The following LEF1 variants were observed in gnomAD, a reference collection of about 807,000 sequenced individuals.
LEF1 encodes lymphoid enhancer-binding factor 1.
In LEF1, 14 loss-of-function variants were observed where a neutral mutation model predicts 51.2. That is an observed-to-expected ratio of 0.27 (90% CI 0.18 to 0.43). LEF1 has a LOEUF of 0.43. Ranked by LOEUF, LEF1 falls within the 20% of genes least tolerant of loss-of-function variation. The pLI is 1.00. For synonymous variants in LEF1, 185 were observed against 183.2 expected, an observed-to-expected ratio of 1.01 and a Z score of -0.08; for missense variants, 386 against 512.0, an observed-to-expected ratio of 0.75 and a Z score of 2.37.
In LEF1 at chr4:108,053,759, C is replaced by T. The variant is rs910592736; in HGVS notation, c.*7-5008G>A. On this transcript the variant is annotated intron_variant, in intron 11 of 11. Transcript: ENST00000265165. ...GGTCATGACCGCTAGATCCTTCCTA[C>T]CACGGGAAACATGGGAGAAATGGTC... 3.3e-5 allele frequency among the ~76,000 whole-genome samples: 5 copies of T among 152,310 alleles called. No individual in the cohort carries two copies. The South Asian group carries it at 1.0e-3, about 32-fold the overall frequency.
chr4:108,081,324 T>A lies in LEF1; in HGVS notation c.722+262A>T, dbSNP rs184542486. On this transcript the variant is annotated intron_variant, in intron 6 of 11. Coordinates refer to ENST00000265165, the MANE Select transcript of LEF1 (RefSeq NM_016269.5). ...TTCCCATCCCACAGTCAGGCGGCCA[T>A]GAATTTGTTTGGAGGCAACGCTTTC... 3.0e-3 allele frequency among the ~76,000 whole-genome samples: 454 copies of A among 152,140 alleles called. 4 individuals are homozygous for A. The highest frequency in any genetic ancestry group is 1.7e-3 in the East Asian group (9 of 5,160).
At chr4:108,144,760 C>G (rs778797515) in intron 3 of LEF1, among the ~76,000 whole-genome samples, 1 of 147,740 alleles carries the variant, frequency 6.8e-6, no homozygotes, top group Non-Finnish European at 1.5e-5. Flanking sequence ...CTGGGCCACA[C>G]GAGGGTGAAA....
chr4:108,086,008 C>G (rs1271973374), intron 4 of LEF1, among the ~76,000 whole-genome samples: 3 of 152,160 alleles, frequency 2.0e-5, no homozygotes, highest in African/African-American at 7.2e-5. Flanking sequence ...CAAGTGAAGT[C>G]AGAAGTGTTA....
chr4:108,166,223 A>G, intron 1 of LEF1: 1 of 1,528,434 alleles, frequency 6.5e-7, no homozygotes. Flanking sequence ...AAAGAACACC[A>G]TTCTGTTCTC....
chr4:108,107,723 A>G (rs1741263139), intron 3 of LEF1, among the ~76,000 whole-genome samples: 1 of 152,172 alleles, frequency 6.6e-6, no homozygotes, highest in Non-Finnish European at 1.5e-5. Context: ...ACAGTAAAAT[A>G]GGATGTTATG....
chr4:108,158,322 A>G (rs1029215517), intron 3 of LEF1, among the ~76,000 whole-genome samples: 5 of 152,212 alleles, frequency 3.3e-5, no homozygotes, highest in Non-Finnish European at 7.3e-5. Context: ...CTTGATTACT[A>G]CAGTATTAGC....
At chr4:108,100,113 A>G (rs78866112) in intron 3 of LEF1, among the ~76,000 whole-genome samples, 69,929 of 151,900 alleles carry the variant, frequency 0.46, 17,986 homozygotes, top group Middle Eastern at 0.68. Context: ...ATGAGTCAAG[A>G]AAAAAATAAC....
chr4:108,068,745 C>A (rs1006159696), intron 9 of LEF1, among the ~76,000 whole-genome samples: 1 of 152,158 alleles, frequency 6.6e-6, no homozygotes, highest in Non-Finnish European at 1.5e-5. Flanking sequence ...AAATAAGTTT[C>A]CATGTGTGCA....
At chr4:108,137,492 C>A (rs2110364513) in intron 3 of LEF1, among the ~76,000 whole-genome samples, 1 of 152,208 alleles carries the variant, frequency 6.6e-6, no homozygotes, top group East Asian at 1.9e-4. Flanking sequence ...GATAAAAATG[C>A]CCTCAAAGAT....
At chr4:108,112,746 A>G (rs559076149) in intron 3 of LEF1, among the ~76,000 whole-genome samples, 24 of 152,362 alleles carry the variant, frequency 1.6e-4, no homozygotes, top group African/African-American at 5.8e-4. Flanking sequence ...TGCACAGTAA[A>G]CAAATGTCAT....
chr4:108,072,573 A>C (rs1410776978), intron 8 of LEF1, among the ~76,000 whole-genome samples: 1 of 152,258 alleles, frequency 6.6e-6, no homozygotes, highest in African/African-American at 2.4e-5. Context: ...CATGACACAC[A>C]GCAGGGCTTG....
At chr4:108,050,554 G>A (rs951491396) in intron 11 of LEF1, among the ~76,000 whole-genome samples, 1 of 152,176 alleles carries the variant, frequency 6.6e-6, no homozygotes, top group Non-Finnish European at 1.5e-5. Flanking sequence ...AGCAGAGCCT[G>A]GGGTGGGAGA....
intron 3 of LEF1, among the ~76,000 whole-genome samples, chr4:108,122,530 T>C (rs766490289): frequency 2.0e-5 from 3 of 152,216 alleles, no homozygotes; most frequent in African/African-American, 4.8e-5. Flanking sequence ...CAGGCTGGAG[T>C]GCAGTGGTTC....
At chr4:108,051,503 C>T (rs1736986882) in intron 11 of LEF1, among the ~76,000 whole-genome samples, 3 of 152,216 alleles carry the variant, frequency 2.0e-5, no homozygotes, top group Admixed American at 2.0e-4. Flanking sequence ...CACTGGGGGG[C>T]TGCGGCTGAA....
At chr4:108,158,010 G>A (rs966318665) in intron 3 of LEF1, among the ~76,000 whole-genome samples, 4 of 151,940 alleles carry the variant, frequency 2.6e-5, no homozygotes, top group Non-Finnish European at 5.9e-5. Flanking sequence ...TCAACTCCCC[G>A]CTCTTCACTT....
chr4:108,157,177 T>TACACACACACACACACACAC (rs1326345518), intron 3 of LEF1, among the ~76,000 whole-genome samples: 76 of 89,354 alleles, frequency 8.5e-4, no homozygotes, highest in East Asian at 1.1e-3. Flanking sequence ...TCTATATATA[T>TACACACACACACACACACAC]ATACACACAC....
chr4:108,146,341 A>T (rs1743999850), intron 3 of LEF1, among the ~76,000 whole-genome samples: 1 of 152,250 alleles, frequency 6.6e-6, no homozygotes, highest in Non-Finnish European at 1.5e-5. Context: ...CTTTAATGGT[A>T]AGCATTATAT....
At position 108,135,048 on chromosome 4, in the gene LEF1, G is replaced by C. The variant is rs555024401; in HGVS notation, c.414+28520C>G. ...TAAAGTGACCAAGTGAATTGAGAAG[G>C]GGGGTGCTAATATAGATTACAATAA... On this transcript the variant is annotated intron_variant, in intron 3 of 11. Coordinates refer to ENST00000265165, the MANE Select transcript of LEF1 (RefSeq NM_016269.5). Among the ~76,000 whole-genome samples the C allele has an allele frequency of 2.1e-3, 319 of 152,296 alleles. 3 individuals are homozygous for C. The highest frequency in any genetic ancestry group is 0.01 in the Middle Eastern group (3 of 294).
chr4:108,068,869 G>C (rs1045529377), intron 9 of LEF1, among the ~76,000 whole-genome samples: 4 of 152,118 alleles, frequency 2.6e-5, no homozygotes, highest in Non-Finnish European at 5.9e-5. Context: ...CTTCACTCTT[G>C]CTCTTTTAAA....
Sources: gnomAD v4.1 joint callset for allele counts (sites outside exome capture counted in the v4.1 genomes callset) on GRCh38, gnomAD v4.1.1 for gene constraint, MANE v1.5 for transcripts, NCBI Gene and HGNC (gene_info 2026-07-23, HGNC 2026-07-21) for gene names.